DNAH9: variants seen among roughly 807,000 people sequenced by gnomAD.
The protein encoded by DNAH9 is DNAH9 variant protein.
In DNAH9, 345 loss-of-function variants were observed where a neutral mutation model predicts 471.6. That is an observed-to-expected ratio of 0.73 (90% CI 0.67 to 0.80). DNAH9 has a LOEUF of 0.80. Ranked by LOEUF, DNAH9 falls within the 30% of genes least tolerant of loss-of-function variation. The probability of loss-of-function intolerance (pLI) is 0.00; values close to 1 mark genes in which losing one functional copy is unlikely to be tolerated. For missense variants in DNAH9, 5,407 were observed against 5,609.2 expected, an observed-to-expected ratio of 0.96 and a Z score of 1.15; for synonymous variants, 2,093 against 2,123.6, an observed-to-expected ratio of 0.99 and a Z score of 0.40.
intron 27 of DNAH9, among the ~76,000 whole-genome samples, chr17:11,725,018 G>A (rs1428865034): frequency 6.6e-6 from 1 of 152,170 alleles, no homozygotes; most frequent in Non-Finnish European, 1.5e-5. Flanking sequence ...CCTCACATGT[G>A]CAATTCACAA....
chr17:11,627,072 G>A (rs1233673062), intron 6 of DNAH9, among the ~76,000 whole-genome samples: 1 of 152,180 alleles, frequency 6.6e-6, no homozygotes, highest in African/African-American at 2.4e-5. Context: ...GGAATACAGA[G>A]TCTGGGGGAA....
intron 36 of DNAH9, 50 bp from the exon 37 acceptor site, chr17:11,768,403 C>T (rs1968057266): frequency 6.3e-7 from 1 of 1,582,514 alleles, no homozygotes; most frequent in Admixed American, 1.7e-5. Context: ...CCTGTGTGGG[C>T]TTCTTGAGTT....
chr17:11,610,283 C>A, intron 2 of DNAH9, 113 bp from the exon 3 acceptor site: 1 of 817,448 alleles, frequency 1.2e-6, no homozygotes, highest in Non-Finnish European at 1.8e-6. Flanking sequence ...GATGAAATTT[C>A]TCACCTATTT....
chr17:11,949,257 A>T (rs769917054), intron 67 of DNAH9, among the ~76,000 whole-genome samples: 15 of 152,330 alleles, frequency 9.8e-5, no homozygotes, highest in Non-Finnish European at 1.8e-4. Flanking sequence ...TAGTTCTCCC[A>T]GAGTTTCATT....
intron 26 of DNAH9, among the ~76,000 whole-genome samples, chr17:11,706,729 C>G (rs549613164): frequency 6.6e-6 from 1 of 152,126 alleles, no homozygotes; most frequent in Non-Finnish European, 1.5e-5. Flanking sequence ...TCTGTTCACA[C>G]GTAACTTTTT....
chr17:11,952,882 C>G (rs779339915), intron 67 of DNAH9, among the ~76,000 whole-genome samples: 2 of 152,136 alleles, frequency 1.3e-5, no homozygotes, highest in Admixed American at 1.3e-4. Flanking sequence ...GTTGTGGAGG[C>G]TCAAAGTCTA....
intron 42 of DNAH9, among the ~76,000 whole-genome samples, chr17:11,796,561 G>C (rs1291579544): frequency 6.6e-6 from 1 of 152,086 alleles, no homozygotes; most frequent in Non-Finnish European, 1.5e-5. Flanking sequence ...AGGTTACAAG[G>C]CTTACCCTGC....
At chr17:11,616,235 C>T (rs1229026248) in intron 4 of DNAH9, among the ~76,000 whole-genome samples, 1 of 152,142 alleles carries the variant, frequency 6.6e-6, no homozygotes, top group African/African-American at 2.4e-5. Flanking sequence ...AGCTGGTTTG[C>T]AGGGCTTTCT....
At chr17:11,801,389 A>G (rs1969452596) in intron 43 of DNAH9, among the ~76,000 whole-genome samples, 1 of 152,178 alleles carries the variant, frequency 6.6e-6, no homozygotes, top group South Asian at 2.1e-4. Flanking sequence ...TCAGGAAATG[A>G]GGCATTAAAA....
chr17:11,850,860 C>A (rs1971395309), intron 49 of DNAH9, among the ~76,000 whole-genome samples: 1 of 152,132 alleles, frequency 6.6e-6, no homozygotes, highest in African/African-American at 2.4e-5. Flanking sequence ...TTTTGACAAG[C>A]ATTTACTACA....
intron 6 of DNAH9, among the ~76,000 whole-genome samples, chr17:11,627,871 G>C (rs935141666): frequency 6.6e-6 from 1 of 152,130 alleles, no homozygotes; most frequent in Admixed American, 6.5e-5. Context: ...CCACTTCCCA[G>C]CGCCTCTGTC....
At chr17:11,908,755 T>G (rs1973689357) in intron 61 of DNAH9, among the ~76,000 whole-genome samples, 1 of 152,224 alleles carries the variant, frequency 6.6e-6, no homozygotes, top group Non-Finnish European at 1.5e-5. Context: ...AAAAAGAATC[T>G]CCTGTCCTGG....
At chr17:11,778,329 CAAAAAAAAAAAAAAAAAAAA>C (rs57983162) in intron 38 of DNAH9, among the ~76,000 whole-genome samples, 13 of 48,636 alleles carry the variant, frequency 2.7e-4, no homozygotes, top group East Asian at 7.6e-4. Flanking sequence ...GACTCCATCT[CAAAAAAAAAAAAAAAAAAAA>C]AAAAAAAAAA....
chr17:11,769,234 T>A lies in DNAH9; in HGVS notation c.7457T>A (p.Val2486Glu). 6.2e-7 allele frequency: 1 copy of A among 1,614,166 alleles called. No homozygotes were observed. The highest frequency in any genetic ancestry group is 2.2e-5 in the East Asian group (1 of 44,868). The part of the protein sequence containing the change: ...LVGTAGTGKS[V>E]LVGAKLASLD... ...GGCACGGCTGGCACTGGCAAGTCGG[T>A]GCTGGTGGGAGCTAAGCTGGCCAGC... The change falls in exon 38 of 69, where the codon GTG (valine) becomes GAG (glutamate). Residue 2486 changes from valine to glutamate, a missense_variant. Coordinates refer to ENST00000262442, the MANE Select transcript of DNAH9 (RefSeq NM_001372.4).
chr17:11,954,767 C>CT (rs1555529413), intron 67 of DNAH9, among the ~76,000 whole-genome samples: 6 of 95,744 alleles, frequency 6.3e-5, no homozygotes, highest in African/African-American at 2.0e-4. Context: ...AAGACTTCGT[C>CT]TTAAAAAAAA....
In DNAH9 at chr17:11,610,459, C is replaced by T. The variant is rs1567662379; in HGVS notation, c.678C>T (p.Tyr226=). 1.2e-6 allele frequency: 2 copies of T among 1,613,792 alleles called. No homozygotes were observed. Among genetic ancestry groups the T allele is most frequent in the Non-Finnish European group, 1.7e-6 (2 of 1,179,844 alleles). The stretch of plus-strand genomic sequence containing the variant: ...AGTCTGCAGTGATCAAATGGAGCTA[C>T]CAAGTCCAGGTGGTACTCAAGAGAG... The part of the protein sequence containing the change: ...AIESAVIKWS[Y]QVQVVLKRES... The change falls in exon 3 of 69, where the codon TAC becomes TAT. Residue 226 remains tyrosine (Y), a synonymous_variant. Coordinates refer to ENST00000262442, the MANE Select transcript of DNAH9 (RefSeq NM_001372.4).
intron 48 of DNAH9, among the ~76,000 whole-genome samples, chr17:11,828,130 G>A (rs1970565297): frequency 6.6e-6 from 1 of 151,984 alleles, no homozygotes; most frequent in African/African-American, 2.4e-5. Context: ...TTCTACTCTT[G>A]CCCCTCTGTA....
At chr17:11,843,888 T>TATATATATAC (rs1188211391) in intron 49 of DNAH9, among the ~76,000 whole-genome samples, 13 of 133,092 alleles carry the variant, frequency 9.8e-5, no homozygotes, top group African/African-American at 3.7e-4. Context: ...TATATATATA[T>TATATATATAC]ATACACATAG....
At chr17:11,895,340 G>A (rs1224734788) in intron 59 of DNAH9, among the ~76,000 whole-genome samples, 2 of 152,166 alleles carry the variant, frequency 1.3e-5, no homozygotes, top group Non-Finnish European at 2.9e-5. Flanking sequence ...GGGTTTCAGC[G>A]CCATGTGAGG....
Sources: allele counts gnomAD v4.1 joint callset (sites outside exome capture counted in the v4.1 genomes callset), GRCh38; gene constraint gnomAD v4.1.1; transcripts MANE v1.5; gene names NCBI Gene and HGNC (gene_info 2026-07-23, HGNC 2026-07-21).